PARD3B: variants seen among roughly 807,000 people sequenced by gnomAD.
PARD3B encodes the protein par-3 family cell polarity regulator beta, also known as partitioning defective 3 homolog B.
PARD3B carries 103 observed loss-of-function variants against 130.2 expected under a neutral mutation model. The ratio of observed to expected loss-of-function variants is 0.79; its 90% confidence interval spans 0.67 to 0.93. PARD3B has a LOEUF of 0.93. PARD3B is among the 40% of genes least tolerant of loss of function. The pLI, the probability that PARD3B is intolerant of heterozygous loss-of-function variation, is 0.00. For missense variants in PARD3B, 1,609 were observed against 1,499.2 expected, an observed-to-expected ratio of 1.07 and a Z score of -1.21; for synonymous variants, 583 against 553.2, an observed-to-expected ratio of 1.05 and a Z score of -0.76.
intron 3 of PARD3B, among the ~76,000 whole-genome samples, chr2:204,979,887 CAATG>C (rs1480165498): frequency 6.6e-6 from 1 of 152,076 alleles, no homozygotes; most frequent in Non-Finnish European, 1.5e-5. Context: ...AAGCAAAAAA[CAATG>C]AGAGACAATG....
chr2:205,232,949 GAC>G (rs1254111379), intron 15 of PARD3B, among the ~76,000 whole-genome samples: 1 of 152,124 alleles, frequency 6.6e-6, no homozygotes, highest in Non-Finnish European at 1.5e-5. Context: ...GAAAAACAGG[GAC>G]AGAGAAAAAA....
chr2:204,977,838 T>C lies in PARD3B; in HGVS notation c.394+12515T>C, dbSNP rs1271636044. Among the ~76,000 whole-genome samples, 8 of 121,390 alleles carry C rather than the reference T, an allele frequency of 6.6e-5. No individual in the cohort carries two copies. In the East Asian group the frequency reaches 1.8e-3, roughly 28 times the overall value. 79.6% of individuals were successfully genotyped at this position (121,390 alleles called of 152,430 possible). A position where few individuals can be genotyped will look rare whatever the true frequency, so the allele number is the denominator to read the frequency against. ...AAAAAAAAAAAAAAAAAAAAAAGAA[T>C]AGGGAGCCTTTACCAGCTAAGGCCT... On this transcript the variant is annotated intron_variant, in intron 3 of 22. Coordinates refer to ENST00000406610, the MANE Select transcript of PARD3B (RefSeq NM_001302769.2).
chr2:205,259,904 A>G (rs906853432), intron 16 of PARD3B, among the ~76,000 whole-genome samples: 13 of 152,322 alleles, frequency 8.5e-5, no homozygotes, highest in African/African-American at 2.9e-4. Flanking sequence ...AAGTCTAGAC[A>G]TAAAATTCAT....
intron 3 of PARD3B, among the ~76,000 whole-genome samples, chr2:205,036,206 A>G (rs971693227): frequency 1.4e-5 from 2 of 146,502 alleles, no homozygotes; most frequent in South Asian, 2.1e-4. Context: ...ATAGTGGACT[A>G]TATATATAAA....
intron 2 of PARD3B, among the ~76,000 whole-genome samples, chr2:204,922,275 C>A (rs1399472560): frequency 6.6e-6 from 1 of 151,710 alleles, no homozygotes; most frequent in African/African-American, 2.4e-5. Context: ...AGCAGTGAAA[C>A]CTTGGAAGTA....
chr2:205,161,518 GA>G (rs369267800), intron 11 of PARD3B, among the ~76,000 whole-genome samples: 32 of 150,292 alleles, frequency 2.1e-4, no homozygotes, highest in African/African-American at 7.5e-4. Context: ...TTAACCAGGG[GA>G]AAAAAAAGTA....
intron 18 of PARD3B, among the ~76,000 whole-genome samples, chr2:205,362,092 G>A (rs1437335689): frequency 6.6e-6 from 1 of 152,110 alleles, no homozygotes; most frequent in Non-Finnish European, 1.5e-5. Context: ...CCCTGGGCTT[G>A]TTTGCAGCAT....
intron 10 of PARD3B, among the ~76,000 whole-genome samples, chr2:205,155,539 T>G (rs1021400008): frequency 6.6e-6 from 1 of 152,110 alleles, no homozygotes; most frequent in Admixed American, 6.5e-5. Flanking sequence ...ATAAAAAAAT[T>G]TTGATTTGTC....
chr2:204,688,081 A>G (rs773176703), intron 2 of PARD3B, among the ~76,000 whole-genome samples: 1 of 152,160 alleles, frequency 6.6e-6, no homozygotes, highest in Non-Finnish European at 1.5e-5. Flanking sequence ...ATGGGACTCT[A>G]CCACCATTAC....
chr2:204,703,382 T>A (rs1266819560), intron 2 of PARD3B, among the ~76,000 whole-genome samples: 2 of 152,224 alleles, frequency 1.3e-5, no homozygotes, highest in African/African-American at 4.8e-5. Flanking sequence ...ATAAGATGCT[T>A]CTTGTTAAAG....
intron 16 of PARD3B, among the ~76,000 whole-genome samples, chr2:205,251,237 C>T (rs1440695118): frequency 6.6e-6 from 1 of 152,016 alleles, no homozygotes; most frequent in Non-Finnish European, 1.5e-5. Flanking sequence ...TCGTTCTTGC[C>T]TTTGTTTCCT....
In PARD3B at chr2:204,664,528, CATG is replaced by C. The variant is rs370272384; in HGVS notation, c.121-21650_121-21648del. 1.9e-3 allele frequency among the ~76,000 whole-genome samples: 294 copies of C among 152,174 alleles called. 1 individual carries two copies. The highest frequency in any genetic ancestry group is 6.7e-3 in the African/African-American group (277 of 41,514). On this transcript the variant is annotated intron_variant, in intron 1 of 22. Transcript: ENST00000406610. The surrounding 1 kb of genome is among the most constrained non-coding windows in gnomAD (Gnocchi z 5.2). ...ATGCTGATTTTTTTTTCCAGTTTGA[CATG>C]ATAGTAAGTGACATTGCATTGTATA...
Position 205,030,944 on chromosome 2 carries a change from T to C in PARD3B, c.395-16637T>C, listed in dbSNP as rs148029383. 2.8e-3 allele frequency among the ~76,000 whole-genome samples: 432 copies of C among 152,296 alleles called. 1 individual carries two copies. Among genetic ancestry groups the C allele is most frequent in the Non-Finnish European group, 4.7e-3 (317 of 68,010 alleles). ...ACATTTGCTCAGTAATGTCTTTTTATTGTGGAATGTAAGTCCAGCATGAAA... is the reference window on the plus strand; with the variant it reads ...ACATTTGCTCAGTAATGTCTTTTTACTGTGGAATGTAAGTCCAGCATGAAA... On this transcript the variant is annotated intron_variant, in intron 3 of 22. Transcript: ENST00000406610.
chr2:204,939,025 G>A (rs540004425), intron 2 of PARD3B, among the ~76,000 whole-genome samples: 3 of 152,214 alleles, frequency 2.0e-5, no homozygotes, highest in East Asian at 1.9e-4. Flanking sequence ...TCAAATGTAC[G>A]AAACATTAAT....
chr2:204,935,355 C>T (rs1486314362), intron 2 of PARD3B, among the ~76,000 whole-genome samples: 57 of 143,688 alleles, frequency 4.0e-4, no homozygotes, highest in Non-Finnish European at 5.8e-4. Flanking sequence ...CGGTGAAACC[C>T]TGTCTCTACT....
chr2:205,124,180 A>G (rs1380461913), intron 8 of PARD3B, 147 bp from the exon 9 acceptor site: 4 of 705,914 alleles, frequency 5.7e-6, no homozygotes, highest in African/African-American at 5.5e-5. Flanking sequence ...TGAAACACAA[A>G]TAACTGAAGC....
At chr2:204,667,873 C>G (rs2036098323) in intron 1 of PARD3B, among the ~76,000 whole-genome samples, 1 of 152,162 alleles carries the variant, frequency 6.6e-6, no homozygotes, top group Non-Finnish European at 1.5e-5. Flanking sequence ...TTTTTGGACT[C>G]TGCCTTTTAG....
chr2:204,825,712 C>T (rs2043543285), intron 2 of PARD3B, among the ~76,000 whole-genome samples: 1 of 152,154 alleles, frequency 6.6e-6, no homozygotes, highest in Non-Finnish European at 1.5e-5. Context: ...ATATAGTTTC[C>T]CAGTAATTAT....
intron 20 of PARD3B, among the ~76,000 whole-genome samples, chr2:205,477,994 G>A (rs2049084854): frequency 6.6e-6 from 1 of 152,248 alleles, no homozygotes; most frequent in East Asian, 1.9e-4. Flanking sequence ...TAGCCTTGGA[G>A]AAGGACACGG....
Sources: gnomAD v4.1 joint callset for allele counts (sites outside exome capture counted in the v4.1 genomes callset) on GRCh38, gnomAD v4.1.1 for gene constraint, Gnocchi (gnomAD v3.1) non-coding constraint, MANE v1.5 for transcripts, NCBI Gene and HGNC (gene_info 2026-07-23, HGNC 2026-07-21) for gene names.